The following CGAS variants were observed in gnomAD, a reference collection of about 807,000 sequenced individuals.
CGAS encodes 2'3'-cGAMP synthase.
A neutral mutation model predicts 34.0 loss-of-function variants in CGAS; 31 were observed. The observed-to-expected ratio is 0.91, with a 90% CI of 0.69 to 1.23. The LOEUF (loss-of-function observed/expected upper bound fraction) is 1.23, where lower values mean the gene tolerates loss of function less well. Ranked by LOEUF, CGAS falls within the 50% of genes most tolerant of loss-of-function variation. CGAS has a pLI of 0.00. For synonymous variants in CGAS, 266 were observed against 260.0 expected (o/e 1.02, Z -0.22); for missense variants, 597 against 657.6 (o/e 0.91, Z 1.01).
intron 1 of CGAS, 100 bp downstream of exon 1, chr6:73,451,425 T>C: frequency 7.7e-7 from 1 of 1,306,198 alleles, no homozygotes; most frequent in Non-Finnish European, 1.0e-6. Context: ...TCTAAGTTAC[T>C]TCCGAAGGGA....
rs1371855931 is a variant in CGAS, at chr6:73,451,707, C to T, written c.475G>A (p.Ala159Thr). The change falls in exon 1 of 5, where the codon GCG becomes ACG. Residue 159 changes from alanine to threonine, a missense_variant. By Grantham distance (58) the Ala-to-Thr change is moderately conservative. Around this residue, in one of 3 missense-constraint regions of CGAS, gnomAD observed 321 missense variants for 314.3 expected, o/e 1.02. Coordinates refer to ENST00000370315, the MANE Select transcript of CGAS (RefSeq NM_138441.3). ...SAPILVRRDA[A>T]PGASKLRAVL... ...GCCCGGAGCTTCGAGGCCCCAGGCG[C>T]CGCATCCCTCCGTACGAGAATGGGG... The T allele has an allele frequency of 5.6e-6, 9 of 1,613,692 alleles. No homozygotes were observed. The highest frequency in any genetic ancestry group is 6.8e-6 in the Non-Finnish European group (8 of 1,179,992).
chr6:73,438,436 G>A lies in CGAS; in HGVS notation c.1114+1773C>T, dbSNP rs113152095. Among the ~76,000 whole-genome samples the A allele has an allele frequency of 4.0e-4, 61 of 152,218 alleles. No individual in the cohort carries two copies. The South Asian group carries it at 6.6e-3, about 17-fold the overall frequency. ...ACCATGGCTAGATGCAGTGGCTCAC[G>A]CCTGTAATCCCAGCACTTTGGGAGG... On this transcript the variant is annotated intron_variant, in intron 3 of 4. Transcript: ENST00000370315.
At chr6:73,446,384 A>C (rs191770095) in intron 1 of CGAS, among the ~76,000 whole-genome samples, 25 of 150,150 alleles carry the variant, frequency 1.7e-4, no homozygotes, top group African/African-American at 6.1e-4. Context: ...ATCAAGGTTC[A>C]TGTTTTTCCT....
chr6:73,428,735 A>G lies in CGAS; in HGVS notation c.1191T>C (p.Cys397=), dbSNP rs1364843141. 3 of 1,613,732 alleles carry G rather than the reference A, an allele frequency of 1.9e-6. No homozygotes were observed. The highest frequency in any genetic ancestry group is 3.3e-5 in the Admixed American group (2 of 59,884). The part of the protein sequence containing the change: ...LNNHGKSKTC[C]ENKEEKCCRK... ...TGCAACATTTCTCTTCTTTGTTTTCACAGCACGTTTTAGATTTTCCATGAT... is the reference window on the plus strand; with the variant it reads ...TGCAACATTTCTCTTCTTTGTTTTCGCAGCACGTTTTAGATTTTCCATGAT... The change falls in exon 4 of 5, where the codon TGT becomes TGC. Residue 397 remains cysteine (C), a synonymous_variant. Transcript: ENST00000370315.
intron 2 of CGAS, 111 bp from the exon 3 acceptor site, chr6:73,440,556 G>A (rs906723611): frequency 1.1e-6 from 1 of 945,028 alleles, no homozygotes. Flanking sequence ...TAAGTATGAA[G>A]TAAACATTAG....
intron 3 of CGAS, chr6:73,439,965 G>GA: frequency 2.3e-6 from 1 of 426,786 alleles, no homozygotes; most frequent in Non-Finnish European, 4.2e-6. Flanking sequence ...TTTCTTTACC[G>GA]AAAAAAATAA....
At chr6:73,450,778 G>C (rs988188243) in intron 1 of CGAS, among the ~76,000 whole-genome samples, 1 of 152,014 alleles carries the variant, frequency 6.6e-6, no homozygotes, top group Non-Finnish European at 1.5e-5. Context: ...CAAGAGGTCA[G>C]GAGATCGAGA....
chr6:73,445,460 A>G (rs117973295), intron 2 of CGAS, 68 bp downstream of exon 2: 25,019 of 1,110,192 alleles, frequency 0.023, 379 homozygotes, highest in Non-Finnish European at 0.026. Context: ...AAACATGAGA[A>G]TGGGAGTGTA....
intron 3 of CGAS, among the ~76,000 whole-genome samples, chr6:73,430,076 C>T (rs1362296286): frequency 1.3e-5 from 2 of 151,854 alleles, no homozygotes; most frequent in Non-Finnish European, 2.9e-5. Context: ...CACCTCTTAG[C>T]AATCTAAGTC....
At chr6:73,449,064 G>A (rs1770516110) in intron 1 of CGAS, among the ~76,000 whole-genome samples, 1 of 151,784 alleles carries the variant, frequency 6.6e-6, no homozygotes, top group Admixed American at 6.6e-5. Context: ...ACTCCACCCT[G>A]GGTGACAGAG....
Position 73,451,896 on chromosome 6 carries a change from C to G in CGAS, c.286G>C (p.Ala96Pro), listed in dbSNP as rs1770576032. Residue 96 changes from alanine to proline, a missense_variant, in exon 1 of 5, where the codon GCC becomes CCC. Around this residue, in one of 3 missense-constraint regions of CGAS, gnomAD observed 321 missense variants for 314.3 expected, o/e 1.02. Transcript: ENST00000370315. ...CCCTCTGCCCCAGGGGCGCTGGTGGCGTCAGACGGCTGCGTGTCCTGGGCG... is the reference window on the plus strand; with the variant it reads ...CCCTCTGCCCCAGGGGCGCTGGTGGGGTCAGACGGCTGCGTGTCCTGGGCG... ...QRAQDTQPSD[A>P]TSAPGAEGLE... The G allele has an allele frequency of 6.5e-7, 1 of 1,530,346 alleles. No individual in the cohort carries two copies. The highest frequency in any genetic ancestry group is 8.8e-7 in the Non-Finnish European group (1 of 1,135,230). 94.8% of individuals were successfully genotyped at this position (1,530,346 alleles called of 1,614,324 possible). A position where few individuals can be genotyped will look rare whatever the true frequency, so the allele number is the denominator to read the frequency against.
chr6:73,443,178 C>T (rs1770412221), intron 2 of CGAS, among the ~76,000 whole-genome samples: 2 of 151,710 alleles, frequency 1.3e-5, no homozygotes, highest in Admixed American at 6.6e-5. Context: ...AAACACTGAC[C>T]GCTCCTTCTA....
intron 1 of CGAS, among the ~76,000 whole-genome samples, chr6:73,450,183 G>A (rs1197424021): frequency 6.6e-6 from 1 of 151,936 alleles, no homozygotes; most frequent in Non-Finnish European, 1.5e-5. Flanking sequence ...TTGGGAGGCT[G>A]AGGCTGGCAG....
chr6:73,450,077 A>AAG (rs1487836540), intron 1 of CGAS, among the ~76,000 whole-genome samples: 1 of 150,532 alleles, frequency 6.6e-6, no homozygotes, highest in Non-Finnish European at 1.5e-5. Flanking sequence ...GAGGGAGGAA[A>AAG]AGAGAGAGAC....
chr6:73,425,608 T>C (rs1352184722), intron 4 of CGAS, 30 bp from the exon 5 acceptor site: 4 of 1,401,816 alleles, frequency 2.9e-6, no homozygotes, highest in African/African-American at 1.5e-5. Flanking sequence ...AACACTTATT[T>C]TTACTTATTT....
At chr6:73,425,679 T>C (rs1159175495) in intron 4 of CGAS, 101 bp from the exon 5 acceptor site, 1 of 764,160 alleles carries the variant, frequency 1.3e-6, no homozygotes, top group Non-Finnish European at 2.1e-6. Flanking sequence ...AGATATATAA[T>C]AACATAAATA....
intron 2 of CGAS, among the ~76,000 whole-genome samples, chr6:73,442,422 A>G (rs1340145087): frequency 7.3e-6 from 1 of 136,548 alleles, no homozygotes; most frequent in Admixed American, 7.2e-5. Context: ...TTTTTTTGAG[A>G]CAGGGTCCCG....
At chr6:73,437,489 A>G (rs1352740406) in intron 3 of CGAS, among the ~76,000 whole-genome samples, 1 of 152,052 alleles carries the variant, frequency 6.6e-6, no homozygotes, top group African/African-American at 2.4e-5. Context: ...CCCAGGATGG[A>G]GTGCAGTGGC....
At chr6:73,435,546 A>G (rs1006752873) in intron 3 of CGAS, among the ~76,000 whole-genome samples, 3 of 152,178 alleles carry the variant, frequency 2.0e-5, no homozygotes, top group Non-Finnish European at 4.4e-5. Flanking sequence ...ATGGAGTGAG[A>G]TCGAAAATAT....
Sources: gnomAD v4.1 joint callset for allele counts (sites outside exome capture counted in the v4.1 genomes callset) on GRCh38, gnomAD v4.1.1 for gene constraint, gnomAD v4.1.1 regional missense constraint, MANE v1.5 for transcripts, NCBI Gene and HGNC (gene_info 2026-07-23, HGNC 2026-07-21) for gene names.